CPPED1: variants seen among roughly 807,000 people sequenced by gnomAD.
CPPED1 encodes calcineurin like phosphoesterase domain containing 1, also known as serine/threonine-protein phosphatase CPPED1.
CPPED1 carries 28 observed loss-of-function variants against 28.0 expected under a neutral mutation model. The ratio of observed to expected loss-of-function variants is 1.00; its 90% CI spans 0.74 to 1.37. CPPED1 has a LOEUF of 1.37. Ranked by LOEUF, CPPED1 falls within the 40% of genes most tolerant of loss-of-function variation. The pLI, the probability that CPPED1 is intolerant of heterozygous loss-of-function variation, is 0.00. For missense variants in CPPED1, 504 were observed against 416.5 expected (o/e 1.21, Z -1.83); for synonymous variants, 198 against 180.2 (o/e 1.10, Z -0.79).
intron 2 of CPPED1, among the ~76,000 whole-genome samples, chr16:12,746,752 C>T (rs1334621849): frequency 6.6e-6 from 1 of 152,010 alleles, no homozygotes; most frequent in East Asian, 1.9e-4. Context: ...GCACAAAGCA[C>T]AGGAATGGAG....
intron 2 of CPPED1, among the ~76,000 whole-genome samples, chr16:12,739,699 A>G (rs1189009112): frequency 6.6e-6 from 1 of 152,164 alleles, no homozygotes; most frequent in Non-Finnish European, 1.5e-5. Flanking sequence ...CCTCTAGTAT[A>G]GAGGATGCCA....
intron 3 of CPPED1, among the ~76,000 whole-genome samples, chr16:12,688,674 G>A (rs1228486318): frequency 6.6e-6 from 1 of 152,092 alleles, no homozygotes; most frequent in Non-Finnish European, 1.5e-5. Context: ...TAATTCTCTG[G>A]TTTCTTTCCT....
intron 2 of CPPED1, among the ~76,000 whole-genome samples, chr16:12,733,382 C>A (rs1240743855): frequency 6.6e-6 from 1 of 150,446 alleles, no homozygotes; most frequent in East Asian, 2.0e-4. Flanking sequence ...TCGAGAGATT[C>A]TCATGCCTCA....
At chr16:12,796,319 C>T (rs113831721) in intron 1 of CPPED1, among the ~76,000 whole-genome samples, 3,417 of 151,750 alleles carry the variant, frequency 0.023, 88 homozygotes, top group African/African-American at 0.064. Context: ...CACGGTGAAA[C>T]CCCATCTCTA....
chr16:12,800,532 C>T (rs1434469706), intron 1 of CPPED1, among the ~76,000 whole-genome samples: 1 of 152,122 alleles, frequency 6.6e-6, no homozygotes, highest in Middle Eastern at 3.2e-3. Flanking sequence ...TCCCAAGTTG[C>T]TCTAAAGTAG....
chr16:12,791,263 T>A (rs541489163), intron 1 of CPPED1, among the ~76,000 whole-genome samples: 2 of 152,196 alleles, frequency 1.3e-5, no homozygotes, highest in African/African-American at 4.8e-5. Flanking sequence ...CCCCTCCCTG[T>A]GTCCAAGTGT....
intron 2 of CPPED1, among the ~76,000 whole-genome samples, chr16:12,728,626 C>CA (rs1323850964): frequency 1.3e-5 from 2 of 152,214 alleles, no homozygotes; most frequent in Non-Finnish European, 2.9e-5. Context: ...ACTTTACTTG[C>CA]ATGATTGCAA....
Position 12,736,247 on chromosome 16 carries a change from A to ATT in CPPED1, c.290-31200_290-31199dup, listed in dbSNP as rs35834753. Reference sequence around the variant, plus strand: ...TGAAGAAAAGGTTAAACACCTTTGGATTTTTTTTTTTTTTTTGAGATGGAG... The same window carrying ATT: ...TGAAGAAAAGGTTAAACACCTTTGGATTTTTTTTTTTTTTTTTTGAGATGGAG... On this transcript the variant is annotated intron_variant, in intron 2 of 3. Transcript: ENST00000381774. 5.4e-3 allele frequency among the ~76,000 whole-genome samples: 771 copies of ATT among 142,184 alleles called. 8 individuals are homozygous for ATT. The highest frequency in any genetic ancestry group is 0.019 in the African/African-American group (738 of 38,914). 93.3% of individuals were successfully genotyped at this position (142,184 alleles called of 152,430 possible). A position where few individuals can be genotyped will look rare whatever the true frequency, so the allele number is the denominator to read the frequency against.
At chr16:12,732,183 G>T (rs900264472) in intron 2 of CPPED1, among the ~76,000 whole-genome samples, 4 of 149,064 alleles carry the variant, frequency 2.7e-5, no homozygotes, top group African/African-American at 9.9e-5. Flanking sequence ...AGACAGAGAA[G>T]ATACTGCATT....
chr16:12,688,061 A>C (rs11860631), intron 3 of CPPED1, among the ~76,000 whole-genome samples: 32,531 of 149,986 alleles, frequency 0.22, 6,263 homozygotes, highest in African/African-American at 0.52. Flanking sequence ...ACAGGGTCTT[A>C]CTCTGTCTCC....
chr16:12,797,450 A>C (rs1474074637), intron 1 of CPPED1, among the ~76,000 whole-genome samples: 1 of 152,022 alleles, frequency 6.6e-6, no homozygotes, highest in African/African-American at 2.4e-5. Flanking sequence ...CAGGAGGTGG[A>C]GGTGGGAGGA....
rs979125702 is a variant in CPPED1, at chr16:12,670,288, G to C, written c.716-5173C>G. ...CCAGTTTGGGTGACAGAGAGACCTT[G>C]TCTCTAAAAACAAACAAATAAAAAC... On this transcript the variant is annotated intron_variant, in intron 3 of 3. Transcript: ENST00000381774. The surrounding 1 kb of genome is among the most constrained non-coding windows in gnomAD (Gnocchi z 4.2). 6.6e-6 allele frequency among the ~76,000 whole-genome samples: 1 copy of C among 152,076 alleles called. No individual in the cohort carries two copies. The highest frequency in any genetic ancestry group is 2.4e-5 in the African/African-American group (1 of 41,386).
chr16:12,773,160 C>T (rs2080479255), intron 2 of CPPED1, among the ~76,000 whole-genome samples: 1 of 151,692 alleles, frequency 6.6e-6, no homozygotes, highest in Non-Finnish European at 1.5e-5. Context: ...AAGCATTCTG[C>T]ATAAAGACCC....
intron 3 of CPPED1, among the ~76,000 whole-genome samples, chr16:12,698,385 A>G (rs1021127836): frequency 7.9e-5 from 12 of 152,150 alleles, no homozygotes; most frequent in African/African-American, 2.7e-4. Flanking sequence ...ATCTTCCTAT[A>G]AAGTAAATCC....
chr16:12,697,113 C>T (rs557465959), intron 3 of CPPED1, among the ~76,000 whole-genome samples: 5 of 152,030 alleles, frequency 3.3e-5, no homozygotes, highest in Non-Finnish European at 5.9e-5. Flanking sequence ...TAACCTCTGC[C>T]TCCCAGGTTC....
chr16:12,710,097 C>T (rs1288359330), intron 2 of CPPED1, among the ~76,000 whole-genome samples: 1 of 152,072 alleles, frequency 6.6e-6, no homozygotes, highest in Non-Finnish European at 1.5e-5. Flanking sequence ...CACAGAAAAT[C>T]CCAAATAATC....
chr16:12,669,334 C>T (rs1596438299), intron 3 of CPPED1, among the ~76,000 whole-genome samples: 2 of 151,946 alleles, frequency 1.3e-5, no homozygotes, highest in African/African-American at 2.4e-5. Context: ...AAGGGTGGAA[C>T]GGGAGAGTGA....
intron 3 of CPPED1, among the ~76,000 whole-genome samples, chr16:12,698,196 G>A (rs910542535): frequency 1.1e-4 from 17 of 152,140 alleles, no homozygotes; most frequent in Admixed American, 5.9e-4. Flanking sequence ...CTTGAATCAC[G>A]CTTAATTCAA....
At chr16:12,676,436 G>A (rs1388439625) in intron 3 of CPPED1, among the ~76,000 whole-genome samples, 1 of 152,182 alleles carries the variant, frequency 6.6e-6, no homozygotes, top group Non-Finnish European at 1.5e-5. Context: ...TTTTGCACCT[G>A]CATCATCTCA....
Sources: allele counts gnomAD v4.1 joint callset (sites outside exome capture counted in the v4.1 genomes callset), GRCh38; gene constraint gnomAD v4.1.1; non-coding constraint Gnocchi (gnomAD v3.1); transcripts MANE v1.5; gene names NCBI Gene and HGNC (gene_info 2026-07-23, HGNC 2026-07-21).